The following CRACR2A variants were observed in gnomAD, a reference collection of about 807,000 sequenced individuals.
CRACR2A encodes the protein EF-hand calcium-binding domain-containing protein 4B.
In CRACR2A, 79 loss-of-function variants were observed where a neutral mutation model predicts 90.5. The ratio of observed to expected loss-of-function variants is 0.87; its 90% CI spans 0.73 to 1.05. The LOEUF (loss-of-function observed/expected upper bound fraction) is 1.05. CRACR2A is among the 50% of genes least tolerant of loss of function. The probability of loss-of-function intolerance (pLI) is 0.00; values close to 1 mark genes in which losing one functional copy is unlikely to be tolerated. For synonymous variants in CRACR2A, 338 were observed against 356.7 expected, an observed-to-expected ratio of 0.95 and a Z score of 0.59; for missense variants, 823 against 897.2, an observed-to-expected ratio of 0.92 and a Z score of 1.06.
In CRACR2A at chr12:3,627,512, T is replaced by C; in HGVS notation, c.1856A>G (p.Asp619Gly). Residue 619 changes from aspartate (D) to glycine (G), a missense_variant, in exon 17 of 20, where the codon GAT becomes GGT. Asp to Gly is a moderately conservative substitution (Grantham distance 94). Transcript: ENST00000440314. ...CITQQFFRKA[D>G]GVIVMYDLTD... Reference sequence around the variant, plus strand: ...GAGATCGTACATGACGATGACACCATCTGCCTTTCTGAAGAACTGCTGGGT... The same window carrying C: ...GAGATCGTACATGACGATGACACCACCTGCCTTTCTGAAGAACTGCTGGGT... The C allele has an allele frequency of 1.3e-6, 2 of 1,551,774 alleles. No individual in the cohort carries two copies. The highest frequency in any genetic ancestry group is 2.4e-5 in the South Asian group (2 of 84,060).
chr12:3,701,779 T>C (rs11830699), intron 3 of CRACR2A, among the ~76,000 whole-genome samples: 1,624 of 152,206 alleles, frequency 0.011, 25 homozygotes, highest in African/African-American at 0.037. Context: ...ACCGACTCTT[T>C]CAGAAAATTG....
At chr12:3,656,233 G>T in intron 9 of CRACR2A, 78 bp downstream of exon 9, 3 of 1,392,484 alleles carry the variant, frequency 2.2e-6, no homozygotes, top group African/African-American at 1.4e-5. Flanking sequence ...TAAGTGAATG[G>T]CAGGGAAAGT....
rs1946631601 is a variant in CRACR2A at position 3,746,637 on chromosome 12, C to T, written c.-387+6378G>A. Among the ~76,000 whole-genome samples, 1 of 152,238 alleles carries T rather than the reference C, an allele frequency of 6.6e-6. No homozygotes were observed. The highest frequency in any genetic ancestry group is 2.4e-5 in the African/African-American group (1 of 41,470). On this transcript the variant is annotated intron_variant, in intron 1 of 19. Coordinates refer to ENST00000440314, the MANE Select transcript of CRACR2A (RefSeq NM_001144958.2). This position sits in a 1 kb window ranked among gnomAD's most constrained non-coding sequence, Gnocchi z 4.4. ...AAGACATCCCCTCAAAGGGAGTATG[C>T]ATGCCTACTACAGGGACCACCCCTC...
chr12:3,656,074 T>C (rs1014263574), intron 9 of CRACR2A, among the ~76,000 whole-genome samples: 11 of 152,300 alleles, frequency 7.2e-5, no homozygotes, highest in Admixed American at 2.0e-4. Flanking sequence ...TGTCTGCAGA[T>C]ACCTCGTGGG....
In CRACR2A at chr12:3,696,816, A is replaced by G. The variant is rs1371084991; in HGVS notation, c.184T>C (p.Cys62Arg). The G allele has an allele frequency of 1.9e-6, 3 of 1,614,158 alleles. No individual in the cohort carries two copies. Among genetic ancestry groups the G allele is most frequent in the Non-Finnish European group, 2.5e-6 (3 of 1,180,038 alleles). Residue 62 changes from cysteine (C) to arginine (R), a missense_variant, in exon 4 of 20, where the codon TGT (cysteine) becomes CGT (arginine). By Grantham distance (180) the Cys-to-Arg change is radical (BLOSUM62 -3). Coordinates refer to ENST00000440314, the MANE Select transcript of CRACR2A (RefSeq NM_001144958.2). ...LRKAQEFFQT[C>R]DAEGKGFIAR... ...ATGAAGCCCTTGCCTTCAGCATCAC[A>G]GGTCTGAAAGAACTCCTGTGCCTTC...
At chr12:3,680,203 T>A (rs763858145) in intron 5 of CRACR2A, 35 bp downstream of exon 5, 10 of 1,567,970 alleles carry the variant, frequency 6.4e-6, no homozygotes, top group Non-Finnish European at 6.1e-6. Flanking sequence ...GGTAGACCCA[T>A]AACCCTGAGG....
At chr12:3,672,935 A>C in intron 7 of CRACR2A, 1 of 313,660 alleles carries the variant, frequency 3.2e-6, no homozygotes, top group Non-Finnish European at 4.6e-6. Flanking sequence ...CACCTTACCA[A>C]ACACGCCACC....
intron 1 of CRACR2A, among the ~76,000 whole-genome samples, chr12:3,738,891 C>A (rs1013861279): frequency 7.2e-5 from 11 of 152,144 alleles, no homozygotes; most frequent in African/African-American, 2.2e-4. Flanking sequence ...AAGGGATTAA[C>A]AGGTTATTTC....
chr12:3,722,103 C>T (rs940682052), intron 2 of CRACR2A, among the ~76,000 whole-genome samples: 13 of 152,140 alleles, frequency 8.5e-5, no homozygotes, highest in Middle Eastern at 3.2e-3. Context: ...TTTTTAGCTC[C>T]CTGAAGTCAG....
In CRACR2A at chr12:3,679,037, C is replaced by G. The variant is rs759695265; in HGVS notation, c.402G>C (p.Gln134His). 6.2e-7 allele frequency: 1 copy of G among 1,613,962 alleles called. No individual in the cohort carries two copies. The highest frequency in any genetic ancestry group is 8.5e-7 in the Non-Finnish European group (1 of 1,179,972). The change falls in exon 6 of 20, where the codon CAG becomes CAC. Residue 134 changes from glutamine to histidine, a missense_variant. By Grantham distance (24) the Gln-to-His change is conservative. Transcript: ENST00000440314. ...ACAGATACACCTTCTCTTCATGGCG[C>G]TGGGCCACCTGTTCACCTGCATCTT... ...SQEDAGEQVA[Q>H]RHEEKVYLSR...
intron 2 of CRACR2A, among the ~76,000 whole-genome samples, chr12:3,721,805 C>CT (rs1460092759): frequency 6.6e-6 from 1 of 152,036 alleles, no homozygotes; most frequent in African/African-American, 2.4e-5. Context: ...TTATGATGTT[C>CT]TTTAGTATTT....
chr12:3,661,759 G>C (rs1455278326), intron 7 of CRACR2A, among the ~76,000 whole-genome samples: 1 of 152,124 alleles, frequency 6.6e-6, no homozygotes, highest in Non-Finnish European at 1.5e-5. Context: ...ATGATATCAA[G>C]GAAAACTTTA....
intron 2 of CRACR2A, among the ~76,000 whole-genome samples, chr12:3,724,265 A>G (rs186942619): frequency 2.6e-5 from 4 of 152,340 alleles, no homozygotes; most frequent in African/African-American, 9.6e-5. Flanking sequence ...ATGCACGCAC[A>G]AGATCCAGAA....
chr12:3,748,955 A>G (rs6489495), intron 1 of CRACR2A, among the ~76,000 whole-genome samples: 20,244 of 152,174 alleles, frequency 0.13, 1,459 homozygotes, highest in South Asian at 0.18. Flanking sequence ...CTTTGTGTGG[A>G]TGCTGTTGGT....
Position 3,697,039 on chromosome 12 carries a change from A to G in CRACR2A, c.-36-4T>C, listed in dbSNP as rs1188699479. The stretch of plus-strand genomic sequence containing the variant: ...TTCTTGAAGTCTTTTTCAGAACCTG[A>G]ACATAGAAAATGGGAGAGAGAAGTG... On this transcript the variant is annotated splice_region_variant and splice_polypyrimidine_tract_variant and intron_variant, in intron 3 of 19. Transcript: ENST00000440314. 6.4e-7 allele frequency: 1 copy of G among 1,558,990 alleles called. No individual in the cohort carries two copies. Among genetic ancestry groups the G allele is most frequent in the African/African-American group, 1.4e-5 (1 of 73,396 alleles).
intron 3 of CRACR2A, among the ~76,000 whole-genome samples, chr12:3,703,843 T>C (rs1170701552): frequency 6.6e-6 from 1 of 152,204 alleles, no homozygotes. Context: ...TCATTACTTA[T>C]AAGAGACATG....
chr12:3,650,582 C>T (rs1000553060), intron 10 of CRACR2A, among the ~76,000 whole-genome samples: 17 of 152,172 alleles, frequency 1.1e-4, no homozygotes, highest in African/African-American at 4.1e-4. Context: ...TGCCCGCTCC[C>T]GACTCTGAGC....
chr12:3,664,869 T>C (rs1945100599), intron 7 of CRACR2A, among the ~76,000 whole-genome samples: 1 of 152,084 alleles, frequency 6.6e-6, no homozygotes, highest in Non-Finnish European at 1.5e-5. Context: ...TAGCCAGGTG[T>C]GGTGGTACAC....
intron 17 of CRACR2A, among the ~76,000 whole-genome samples, chr12:3,625,927 A>G (rs1455245874): frequency 1.3e-5 from 2 of 152,182 alleles, no homozygotes; most frequent in East Asian, 3.9e-4. Flanking sequence ...AAAAAAGAAC[A>G]GAAGAGAAAG....
Sources: allele counts gnomAD v4.1 joint callset (sites outside exome capture counted in the v4.1 genomes callset), GRCh38; gene constraint gnomAD v4.1.1; non-coding constraint Gnocchi (gnomAD v3.1); transcripts MANE v1.5; gene names NCBI Gene and HGNC (gene_info 2026-07-23, HGNC 2026-07-21).